Variants in LDLRAD3 observed in about 807,000 individuals in gnomAD.
LDLRAD3 encodes the protein low density lipoprotein receptor class A domain containing 3, also known as low-density lipoprotein receptor class A domain-containing protein 3.
In LDLRAD3, 20 loss-of-function variants were observed where a neutral mutation model predicts 29.4. That is an observed-to-expected ratio of 0.68 (90% CI 0.48 to 0.99). The LOEUF is 0.99. LDLRAD3 is among the 50% of genes least tolerant of loss of function. The pLI, the probability that LDLRAD3 is intolerant of heterozygous loss-of-function variation, is 0.00. For missense variants in LDLRAD3, 420 were observed against 454.3 expected (o/e 0.92, Z 0.69); for synonymous variants, 157 against 192.7 (o/e 0.81, Z 1.53).
intron 4 of LDLRAD3, among the ~76,000 whole-genome samples, chr11:36,182,527 C>T (rs1854780103): frequency 6.6e-6 from 1 of 152,240 alleles, no homozygotes; most frequent in South Asian, 2.1e-4. Flanking sequence ...TTTCTCTCCT[C>T]ATTTGATTTC....
rs145589873 is a variant in LDLRAD3 at position 36,069,257 on chromosome 11, G to A, written c.194-12396G>A. 3.5e-3 allele frequency among the ~76,000 whole-genome samples: 529 copies of A among 152,220 alleles called. 6 individuals carry two copies. Among genetic ancestry groups the A allele is most frequent in the African/African-American group, 0.012 (500 of 41,528 alleles). The stretch of plus-strand genomic sequence containing the variant: ...CACAATAAAGGAGCTCCCCCGTTTA[G>A]CCCCCAGATTTCCTGGAGAATCCAG... On this transcript the variant is annotated intron_variant, in intron 2 of 5. Coordinates refer to ENST00000315571, the MANE Select transcript of LDLRAD3 (RefSeq NM_174902.4).
chr11:36,207,796 A>T (rs999579530), intron 4 of LDLRAD3, among the ~76,000 whole-genome samples: 4 of 152,184 alleles, frequency 2.6e-5, no homozygotes, highest in African/African-American at 9.6e-5. Flanking sequence ...TGTCCACCAC[A>T]CTGGGGAAGG....
intron 1 of LDLRAD3, among the ~76,000 whole-genome samples, chr11:35,991,182 G>A (rs1311280204): frequency 6.6e-6 from 1 of 152,214 alleles, no homozygotes; most frequent in Non-Finnish European, 1.5e-5. Context: ...GAGCCCCCAT[G>A]CATCTCAATT....
intron 2 of LDLRAD3, among the ~76,000 whole-genome samples, chr11:36,080,314 G>T (rs1309238555): frequency 6.6e-6 from 1 of 152,188 alleles, no homozygotes; most frequent in Non-Finnish European, 1.5e-5. Context: ...ACCCCACAGG[G>T]CTGTTTGTTA....
rs1855571715 is a variant in LDLRAD3, at chr11:36,231,229, C to CT, written c.*1839dup. ...GATCCTGTTCTGTAGACTTTTCTTT[C>CT]TTTTTTTAACCAAATCCAAAGGATG... On this transcript the variant is annotated 3_prime_UTR_variant, in exon 6 of 6. Coordinates refer to ENST00000315571, the MANE Select transcript of LDLRAD3 (RefSeq NM_174902.4). The CT allele has an allele frequency of 6.6e-6, 1 of 151,674 alleles. No homozygotes were observed. The highest frequency in any genetic ancestry group is 1.5e-5 in the Non-Finnish European group (1 of 67,916). 9.4% of individuals were successfully genotyped at this position (151,674 alleles called of 1,614,324 possible).
intron 4 of LDLRAD3, among the ~76,000 whole-genome samples, chr11:36,150,632 G>A (rs895828717): frequency 6.6e-6 from 1 of 152,150 alleles, no homozygotes; most frequent in Admixed American, 6.6e-5. Context: ...GCGGGCGCCT[G>A]TAGTCCCAGC....
chr11:36,150,851 A>G (rs926154195), intron 4 of LDLRAD3, among the ~76,000 whole-genome samples: 51 of 152,068 alleles, frequency 3.4e-4, no homozygotes, highest in Admixed American at 1.6e-3. Flanking sequence ...CCTTCTCTCT[A>G]CCTCCTGCTT....
chr11:36,101,223 G>T (rs1565223127), intron 4 of LDLRAD3, among the ~76,000 whole-genome samples: 1 of 152,134 alleles, frequency 6.6e-6, no homozygotes, highest in Non-Finnish European at 1.5e-5. Context: ...ACCCCACAAG[G>T]TGCCCACTTG....
intron 2 of LDLRAD3, among the ~76,000 whole-genome samples, chr11:36,045,359 G>A (rs1852434419): frequency 6.6e-6 from 1 of 152,170 alleles, no homozygotes; most frequent in Admixed American, 6.5e-5. Context: ...GTTTCCTAGG[G>A]CTGCTGTAAC....
intron 1 of LDLRAD3, among the ~76,000 whole-genome samples, chr11:35,966,532 T>C (rs1176339607): frequency 1.3e-5 from 2 of 152,136 alleles, no homozygotes; most frequent in Non-Finnish European, 2.9e-5. Context: ...CAAATTCTGA[T>C]AAAATAAAGG....
intron 1 of LDLRAD3, among the ~76,000 whole-genome samples, chr11:35,950,484 TA>T (rs1851117172): frequency 6.6e-6 from 1 of 152,188 alleles, no homozygotes; most frequent in African/African-American, 2.4e-5. Flanking sequence ...TAGCCTTCTT[TA>T]CCTTATGGTC....
rs1442461769 is a variant in LDLRAD3, at chr11:36,229,617, C to T, written c.*220C>T. 2.5e-5 allele frequency: 12 copies of T among 476,260 alleles called. No homozygotes were observed. Among genetic ancestry groups the T allele is most frequent in the East Asian group, 3.1e-5 (1 of 32,446 alleles). 29.5% of individuals were successfully genotyped at this position (476,260 alleles called of 1,614,324 possible). A position where few individuals can be genotyped will look rare whatever the true frequency, so the allele number is the denominator to read the frequency against. On this transcript the variant is annotated 3_prime_UTR_variant, in exon 6 of 6. Transcript: ENST00000315571. Reference sequence around the variant, plus strand: ...CTGTTGTGCGTCTTTTCTGTCAGGTCACTCTTCCCTTGGGACCCGAGATCA... The same window carrying T: ...CTGTTGTGCGTCTTTTCTGTCAGGTTACTCTTCCCTTGGGACCCGAGATCA...
intron 4 of LDLRAD3, among the ~76,000 whole-genome samples, chr11:36,130,905 TG>T (rs1304424078): frequency 1.3e-5 from 2 of 152,200 alleles, no homozygotes; most frequent in Non-Finnish European, 2.9e-5. Flanking sequence ...ATCTCTTTCA[TG>T]GACTGCCTCC....
chr11:35,959,304 G>C (rs1166493815), intron 1 of LDLRAD3, among the ~76,000 whole-genome samples: 3 of 152,282 alleles, frequency 2.0e-5, no homozygotes, highest in South Asian at 4.1e-4. Context: ...TTCTAGAAAA[G>C]TGTCCTCCCA....
At chr11:35,951,949 T>TA (rs1851140629) in intron 1 of LDLRAD3, among the ~76,000 whole-genome samples, 1 of 152,206 alleles carries the variant, frequency 6.6e-6, no homozygotes, top group Non-Finnish European at 1.5e-5. Context: ...TCAGAGATGT[T>TA]ACAACATCAA....
intron 2 of LDLRAD3, 63 bp from the exon 3 acceptor site, chr11:36,081,590 G>A (rs2133257406): frequency 1.2e-6 from 2 of 1,601,074 alleles, no homozygotes; most frequent in East Asian, 2.2e-5. Context: ...GTGTTAGTGG[G>A]ATGAGTATGC....
chr11:36,077,219 A>G (rs1031907864), intron 2 of LDLRAD3, among the ~76,000 whole-genome samples: 1 of 152,202 alleles, frequency 6.6e-6, no homozygotes, highest in Non-Finnish European at 1.5e-5. Flanking sequence ...CCCTGTAGAT[A>G]ACCAATCTCT....
At position 36,035,245 on chromosome 11, in the gene LDLRAD3, G is replaced by C. The variant is rs1852288795; in HGVS notation, c.47-858G>C. Reference sequence around the variant, plus strand: ...CATGGCTCCTTATCTCTCAGCCATTGATCACAATGGATCAGACTGGTCAGA... The same window carrying C: ...CATGGCTCCTTATCTCTCAGCCATTCATCACAATGGATCAGACTGGTCAGA... On this transcript the variant is annotated intron_variant, in intron 1 of 5. Transcript: ENST00000315571. Among the ~76,000 whole-genome samples, 4 of 148,350 alleles carry C rather than the reference G, an allele frequency of 2.7e-5. No homozygotes were observed. In the Admixed American group the frequency reaches 2.7e-4, roughly 10 times the overall value.
chr11:36,005,134 C>T (rs1851868597), intron 1 of LDLRAD3, among the ~76,000 whole-genome samples: 1 of 152,210 alleles, frequency 6.6e-6, no homozygotes, highest in Non-Finnish European at 1.5e-5. Context: ...AATTTCTTTC[C>T]AGAAAATAGG....
Sources: gnomAD v4.1 joint callset for allele counts (sites outside exome capture counted in the v4.1 genomes callset) on GRCh38, gnomAD v4.1.1 for gene constraint, MANE v1.5 for transcripts, NCBI Gene and HGNC (gene_info 2026-07-23, HGNC 2026-07-21) for gene names.